KHDRBS1: variants seen among roughly 807,000 people sequenced by gnomAD.
KHDRBS1 encodes KH domain-containing, RNA-binding, signal transduction-associated protein 1.
KHDRBS1 carries 7 observed loss-of-function variants against 48.4 expected under a neutral mutation model. That is an observed-to-expected ratio of 0.14 (90% CI 0.08 to 0.27). The LOEUF is 0.27. Among genes scored for constraint, KHDRBS1 ranks in the 10% least tolerant of loss-of-function variants. KHDRBS1 has a pLI of 1.00. For synonymous variants in KHDRBS1, 241 were observed against 235.8 expected (o/e 1.02, Z -0.20); for missense variants, 458 against 601.2 (o/e 0.76, Z 2.49).
intron 5 of KHDRBS1, 121 bp from the exon 6 acceptor site, chr1:32,037,714 T>A: frequency 9.2e-7 from 1 of 1,083,800 alleles, no homozygotes; most frequent in Middle Eastern, 3.1e-4. Context: ...CTCTGTGCTT[T>A]AATAATAGCC....
downstream of KHDRBS1, among the ~76,000 whole-genome samples, chr1:32,044,187 A>C (rs1041136058): frequency 2.6e-5 from 4 of 152,228 alleles, no homozygotes; most frequent in Admixed American, 6.5e-5. Flanking sequence ...TGGTTTCCAT[A>C]GATAGGTCTC....
chr1:32,042,578 G>T lies in KHDRBS1; in HGVS notation c.1286G>T (p.Arg429Met), dbSNP rs1281578850. 6.2e-7 allele frequency: 1 copy of T among 1,613,782 alleles called. No individual in the cohort carries two copies. The highest frequency in any genetic ancestry group is 8.5e-7 in the Non-Finnish European group (1 of 1,179,728). ...TRPSLKAPPA[R>M]PVKGAYREHP... ...CCGTCGCTGAAGGCCCCTCCTGCTA[G>T]GCCAGTGAAGGGAGCATACAGAGAG... Residue 429 changes from arginine (R) to methionine (M), a missense_variant, in exon 9 of 9, where the codon AGG (arginine) becomes ATG (methionine). Physicochemically the swap from Arg to Met is moderately conservative, Grantham distance 91. Around this residue, in one of 3 missense-constraint regions of KHDRBS1, gnomAD observed 171 missense variants for 228.7 expected, o/e 0.75. Transcript: ENST00000327300.
At chr1:32,025,706 C>T (rs1007285584) in intron 1 of KHDRBS1, among the ~76,000 whole-genome samples, 1 of 135,388 alleles carries the variant, frequency 7.4e-6, no homozygotes, top group African/African-American at 2.8e-5. Flanking sequence ...CTTCCTGCCC[C>T]CTCCCTTCTT....
At chr1:32,026,076 C>T (rs1225159175) in intron 1 of KHDRBS1, among the ~76,000 whole-genome samples, 2 of 151,624 alleles carry the variant, frequency 1.3e-5, no homozygotes, top group Non-Finnish European at 2.9e-5. Context: ...GCCACTGTGC[C>T]CAACCAGTCC....
chr1:32,027,152 G>A (rs1367197319), intron 1 of KHDRBS1, among the ~76,000 whole-genome samples: 3 of 151,982 alleles, frequency 2.0e-5, no homozygotes, highest in East Asian at 1.9e-4. Flanking sequence ...GGCTGGTCTC[G>A]AACTCCTGAC....
Position 32,031,517 on chromosome 1 carries a change from C to T in KHDRBS1, c.508-7C>T, listed in dbSNP as rs761077941. The T allele has an allele frequency of 9.1e-6, 14 of 1,531,526 alleles. No individual in the cohort carries two copies. The highest frequency in any genetic ancestry group is 1.2e-5 in the Non-Finnish European group (14 of 1,123,086). The allele number at this position is 1,531,526 out of a possible 1,614,324, so 94.9% of individuals were successfully genotyped here. ...TGTATATTTAGAAATCCTCTATTTT[C>T]TGTCAGTTCAATTTTGTGGGGAAGA... On this transcript the variant is annotated splice_region_variant and splice_polypyrimidine_tract_variant and intron_variant, in intron 2 of 8. Transcript: ENST00000327300.
chr1:32,053,313 G>T (rs533544342), intron 10 of KHDRBS1, among the ~76,000 whole-genome samples: 1 of 152,316 alleles, frequency 6.6e-6, no homozygotes, highest in South Asian at 2.1e-4. Flanking sequence ...CAATTTAAAG[G>T]ATAATCAAAA....
chr1:32,019,100 AAAACAAAC>A (rs151087441), intron 1 of KHDRBS1, among the ~76,000 whole-genome samples: 4 of 151,536 alleles, frequency 2.6e-5, no homozygotes, highest in Non-Finnish European at 5.9e-5. Flanking sequence ...TCTGTCTTAA[AAAACAAAC>A]AAACAAACAA....
intron 3 of KHDRBS1, among the ~76,000 whole-genome samples, chr1:32,032,701 A>G (rs1354406665): frequency 1.3e-5 from 2 of 149,992 alleles, no homozygotes; most frequent in African/African-American, 5.0e-5. Context: ...AGTTTGTTTT[A>G]CTTTTTTTTT....
intron 10 of KHDRBS1, among the ~76,000 whole-genome samples, chr1:32,057,260 C>A (rs1437892649): frequency 6.6e-6 from 1 of 152,102 alleles, no homozygotes; most frequent in African/African-American, 2.4e-5. Context: ...GCTCATTACA[C>A]CCTCAAGTGA....
intron 1 of KHDRBS1, among the ~76,000 whole-genome samples, chr1:32,021,478 AGTT>A (rs1280996863): frequency 1.3e-5 from 2 of 152,234 alleles, no homozygotes; most frequent in Non-Finnish European, 2.9e-5. Context: ...AAACAAATGA[AGTT>A]GTTTTGCAAT....
intron 1 of KHDRBS1, among the ~76,000 whole-genome samples, chr1:32,024,868 G>C (rs1638932214): frequency 1.3e-5 from 2 of 152,078 alleles, no homozygotes; most frequent in African/African-American, 4.8e-5. Context: ...GGGAGGCTGA[G>C]GTGGGAGGAT....
At chr1:32,032,978 G>A (rs559817156) in intron 3 of KHDRBS1, among the ~76,000 whole-genome samples, 6 of 152,294 alleles carry the variant, frequency 3.9e-5, no homozygotes, top group Admixed American at 6.5e-5. Flanking sequence ...GTGAGCCACC[G>A]CGCCTGGCTG....
rs1639216870 is a variant in KHDRBS1 at position 32,038,000 on chromosome 1, G to A, written c.1071G>A (p.Leu357=). ...CAGCGGGCATCCAGAGGATACCTTT[G>A]CCTCCACCTCCTGCACCAGAAACAT... ...ARTAGIQRIP[L]PPPPAPETYE... is the part of the protein sequence containing the mutation. The change falls in exon 6 of 9, where the codon TTG becomes TTA. Residue 357 remains leucine, a synonymous_variant. Coordinates refer to ENST00000327300, the MANE Select transcript of KHDRBS1 (RefSeq NM_006559.3). 6.2e-7 allele frequency: 1 copy of A among 1,614,190 alleles called. No homozygotes were observed. Among genetic ancestry groups the A allele is most frequent in the East Asian group, 2.2e-5 (1 of 44,886 alleles).
In KHDRBS1 at chr1:32,032,072, G is replaced by GT. The variant is rs528320370; in HGVS notation, c.624+436dup. Reference sequence around the variant, plus strand: ...GATGAGTTTGAGGATTAGTTGGTTTGTTTTATAGCCGGTTTGGAATGTGAG... The same window carrying GT: ...GATGAGTTTGAGGATTAGTTGGTTTGTTTTTATAGCCGGTTTGGAATGTGAG... On this transcript the variant is annotated intron_variant, in intron 3 of 8. Transcript: ENST00000327300. Among the ~76,000 whole-genome samples, 327 of 152,262 alleles carry GT rather than the reference G, an allele frequency of 2.1e-3. 2 individuals are homozygous for GT. Among genetic ancestry groups the GT allele is most frequent in the African/African-American group, 7.7e-3 (318 of 41,548 alleles).
rs775610658 is a variant in KHDRBS1 at position 32,037,981 on chromosome 1, G to T, written c.1052G>T (p.Gly351Val). The stretch of plus-strand genomic sequence containing the variant: ...CCAGCACCAAGAGCACGGACAGCGG[G>T]CATCCAGAGGATACCTTTGCCTCCA... ...GAPAPRARTA[G>V]IQRIPLPPPP... is the part of the protein sequence containing the mutation. The change falls in exon 6 of 9, where the codon GGC (glycine) becomes GTC (valine). Residue 351 changes from glycine (G) to valine (V), a missense_variant. Around this residue, in one of 3 missense-constraint regions of KHDRBS1, gnomAD observed 171 missense variants for 228.7 expected, o/e 0.75. Coordinates refer to ENST00000327300, the MANE Select transcript of KHDRBS1 (RefSeq NM_006559.3). The T allele has an allele frequency of 9.9e-6, 16 of 1,614,204 alleles. No individual in the cohort carries two copies. The highest frequency in any genetic ancestry group is 1.4e-5 in the Non-Finnish European group (16 of 1,180,036).
At chr1:32,016,883 A>G (rs1340716512) in intron 1 of KHDRBS1, among the ~76,000 whole-genome samples, 2 of 152,216 alleles carry the variant, frequency 1.3e-5, no homozygotes, top group East Asian at 1.9e-4. Context: ...TATGCCTTGA[A>G]GAGTGCTGCA....
At chr1:32,031,665 A>G in intron 3 of KHDRBS1, 25 bp downstream of exon 3, 1 of 1,466,952 alleles carries the variant, frequency 6.8e-7, no homozygotes. Context: ...GTGAGGCAAG[A>G]GGACATCCTA....
At chr1:32,023,805 C>A (rs1188740357) in intron 1 of KHDRBS1, among the ~76,000 whole-genome samples, 1 of 152,170 alleles carries the variant, frequency 6.6e-6, no homozygotes, top group Non-Finnish European at 1.5e-5. Context: ...CTGAGACACC[C>A]ATAAAGCCCT....
Sources: gnomAD v4.1 joint callset for allele counts (sites outside exome capture counted in the v4.1 genomes callset) on GRCh38, gnomAD v4.1.1 for gene constraint, gnomAD v4.1.1 regional missense constraint, MANE v1.5 for transcripts, NCBI Gene and HGNC (gene_info 2026-07-23, HGNC 2026-07-21) for gene names.